SLC14A2: variants seen among roughly 807,000 people sequenced by gnomAD.
SLC14A2 encodes the protein solute carrier family 14 member 2, also known as urea transporter 2.
A neutral mutation model predicts 104.6 loss-of-function variants in SLC14A2; 91 were observed. The ratio of observed to expected loss-of-function variants is 0.87; its 90% CI spans 0.73 to 1.04. The LOEUF (loss-of-function observed/expected upper bound fraction) is 1.04, where lower values mean the gene tolerates loss of function less well. Ranked by LOEUF, SLC14A2 falls within the 50% of genes least tolerant of loss-of-function variation. SLC14A2 has a pLI of 0.00. For missense variants in SLC14A2, 1,189 were observed against 1,156.0 expected (o/e 1.03, Z -0.41); for synonymous variants, 476 against 466.4 (o/e 1.02, Z -0.27).
intron 1 of SLC14A2, among the ~76,000 whole-genome samples, chr18:45,274,521 C>T (rs947945089): frequency 1.2e-4 from 19 of 152,164 alleles, no homozygotes; most frequent in Admixed American, 3.3e-4. Flanking sequence ...TCTCTGATTA[C>T]TCCACGGTTA....
intron 1 of SLC14A2, among the ~76,000 whole-genome samples, chr18:45,426,544 A>G (rs34420591): frequency 0.42 from 55,141 of 131,086 alleles, 11,654 homozygotes; most frequent in Non-Finnish European, 0.49. Flanking sequence ...TGAGATCAGC[A>G]TGTGTGTGTG....
At chr18:45,239,752 G>A (rs1279868909) in intron 1 of SLC14A2, among the ~76,000 whole-genome samples, 11 of 152,188 alleles carry the variant, frequency 7.2e-5, no homozygotes, top group Non-Finnish European at 1.6e-4. Flanking sequence ...AACATGGGAA[G>A]GGTATTCTAG....
At chr18:45,246,807 G>C (rs996207728) in intron 1 of SLC14A2, among the ~76,000 whole-genome samples, 1 of 152,050 alleles carries the variant, frequency 6.6e-6, no homozygotes, top group African/African-American at 2.4e-5. Flanking sequence ...TCAGGAGTTC[G>C]AGACCAGCCT....
chr18:45,231,298 G>A (rs1184199623), intron 1 of SLC14A2, among the ~76,000 whole-genome samples: 1 of 152,134 alleles, frequency 6.6e-6, no homozygotes, highest in Non-Finnish European at 1.5e-5. Flanking sequence ...GACCTCCTGG[G>A]CTCAAGCTAT....
At chr18:45,642,433 A>G (rs891230530) in intron 8 of SLC14A2, among the ~76,000 whole-genome samples, 8 of 152,202 alleles carry the variant, frequency 5.3e-5, no homozygotes, top group Non-Finnish European at 1.0e-4. Context: ...GGAAGCCTAC[A>G]GGGGGAGGCT....
chr18:45,572,166 CAG>C (rs1460238200), intron 2 of SLC14A2, among the ~76,000 whole-genome samples: 1 of 152,166 alleles, frequency 6.6e-6, no homozygotes, highest in East Asian at 1.9e-4. Flanking sequence ...TAAAGCTGTT[CAG>C]AGTTAATTAA....
chr18:45,643,979 T>C lies in SLC14A2; in HGVS notation c.1177-7T>C. 6.2e-7 allele frequency: 1 copy of C among 1,613,384 alleles called. No homozygotes were observed. On this transcript the variant is annotated splice_region_variant and splice_polypyrimidine_tract_variant and intron_variant, in intron 9 of 19. Coordinates refer to ENST00000255226, the MANE Select transcript of SLC14A2 (RefSeq NM_007163.4). ...ACTTCTTCAGTCCCCAATGCTTTTG[T>C]TTCCAGGTGGGCGTGCCACCAGGCA...
At chr18:45,479,919 C>T (rs2087460309) in intron 1 of SLC14A2, among the ~76,000 whole-genome samples, 1 of 152,116 alleles carries the variant, frequency 6.6e-6, no homozygotes, top group African/African-American at 2.4e-5. Flanking sequence ...AAGACGTGAA[C>T]ATTTATTGCA....
At chr18:45,224,158 C>T (rs774835133) in intron 1 of SLC14A2, among the ~76,000 whole-genome samples, 1 of 152,208 alleles carries the variant, frequency 6.6e-6, no homozygotes, top group Non-Finnish European at 1.5e-5. Flanking sequence ...GCGAGGGAGA[C>T]CAAGAGGCTG....
chr18:45,471,537 G>C (rs1017485263), intron 1 of SLC14A2, among the ~76,000 whole-genome samples: 7 of 151,960 alleles, frequency 4.6e-5, no homozygotes, highest in Non-Finnish European at 8.8e-5. Flanking sequence ...CTACATTTAT[G>C]CATAAGCATA....
intron 2 of SLC14A2, among the ~76,000 whole-genome samples, chr18:45,532,102 A>G (rs945892851): frequency 1.3e-5 from 2 of 152,114 alleles, no homozygotes; most frequent in Non-Finnish European, 2.9e-5. Context: ...TTGTTACTGT[A>G]GCTTTGTAGT....
At chr18:45,360,270 G>A (rs1182746247) in intron 1 of SLC14A2, among the ~76,000 whole-genome samples, 1 of 152,220 alleles carries the variant, frequency 6.6e-6, no homozygotes, top group Non-Finnish European at 1.5e-5. Context: ...CCCTATGGAC[G>A]CTTCAGTGGG....
intron 1 of SLC14A2, among the ~76,000 whole-genome samples, chr18:45,362,843 A>T (rs1006306878): frequency 1.3e-5 from 2 of 152,208 alleles, no homozygotes; most frequent in Non-Finnish European, 2.9e-5. Flanking sequence ...GGACTCCAAG[A>T]CAAATATTTA....
chr18:45,407,115 G>A (rs2086164047), intron 1 of SLC14A2, among the ~76,000 whole-genome samples: 1 of 152,132 alleles, frequency 6.6e-6, no homozygotes, highest in Non-Finnish European at 1.5e-5. Context: ...AGTCCTAGAT[G>A]GCATCTTCTC....
intron 2 of SLC14A2, among the ~76,000 whole-genome samples, chr18:45,500,453 T>A (rs1159598329): frequency 1.3e-5 from 2 of 151,684 alleles, no homozygotes; most frequent in East Asian, 3.9e-4. Flanking sequence ...AGCGGGCGCC[T>A]GTAGTCCCAG....
chr18:45,187,313 A>T, the SLC14A2 span, among the ~76,000 whole-genome samples: 1 of 152,076 alleles, frequency 6.6e-6, no homozygotes, highest in Admixed American at 6.6e-5. Context: ...ATTGCCAGGG[A>T]CCATGTATGC....
chr18:45,627,225 A>G (rs1239135889), intron 4 of SLC14A2, 78 bp downstream of exon 4: 4 of 1,340,956 alleles, frequency 3.0e-6, no homozygotes, highest in Non-Finnish European at 3.2e-6. Context: ...GTAATCAGTC[A>G]ACCTTACCCT....
At chr18:45,237,486 G>A (rs1049651314) in intron 1 of SLC14A2, among the ~76,000 whole-genome samples, 1 of 152,140 alleles carries the variant, frequency 6.6e-6, no homozygotes, top group African/African-American at 2.4e-5. Context: ...CAGCATGCTC[G>A]ATTCACTGCT....
At chr18:45,186,468 C>T in the SLC14A2 span, among the ~76,000 whole-genome samples, 2 of 152,166 alleles carry the variant, frequency 1.3e-5, no homozygotes, top group African/African-American at 4.8e-5. Context: ...AAATGTAAAA[C>T]CTGAACTATA....
Sources: gnomAD v4.1 joint callset for allele counts (sites outside exome capture counted in the v4.1 genomes callset) on GRCh38, gnomAD v4.1.1 for gene constraint, MANE v1.5 for transcripts, NCBI Gene and HGNC (gene_info 2026-07-23, HGNC 2026-07-21) for gene names.